The following TIAM1 variants were observed in gnomAD, a reference collection of about 807,000 sequenced individuals.
TIAM1 encodes the protein rho guanine nucleotide exchange factor TIAM1.
Under a neutral mutation model 163.5 loss-of-function variants are expected in TIAM1, and 65 were observed. The ratio of observed to expected loss-of-function variants is 0.40; its 90% CI spans 0.33 to 0.49. The LOEUF is 0.49. Among genes scored for constraint, TIAM1 ranks in the 20% least tolerant of loss-of-function variants. TIAM1 has a pLI of 0.77. For missense variants in TIAM1, 1,789 were observed against 2,044.7 expected, an observed-to-expected ratio of 0.87 and a Z score of 2.41; for synonymous variants, 833 against 810.1, an observed-to-expected ratio of 1.03 and a Z score of -0.48.
At chr21:31,308,856 A>G (rs1265228813) in intron 2 of TIAM1, among the ~76,000 whole-genome samples, 3 of 152,192 alleles carry the variant, frequency 2.0e-5, no homozygotes, top group East Asian at 1.9e-4. Flanking sequence ...TTGATTCTCA[A>G]TTTAACAAGT....
At chr21:31,152,493 GAC>G in intron 19 of TIAM1, 141 bp downstream of exon 19, 6 of 1,151,430 alleles carry the variant, frequency 5.2e-6, no homozygotes, top group Non-Finnish European at 6.1e-6. Flanking sequence ...AGACCAGCAA[GAC>G]ACACTCCATT....
chr21:31,263,608 T>C (rs979898422), intron 4 of TIAM1, among the ~76,000 whole-genome samples: 2 of 151,870 alleles, frequency 1.3e-5, no homozygotes, highest in African/African-American at 2.4e-5. Flanking sequence ...AAGGCTCAAA[T>C]CCCCATCAGC....
At chr21:31,487,419 G>A (rs2046307675) in intron 1 of TIAM1, among the ~76,000 whole-genome samples, 1 of 152,184 alleles carries the variant, frequency 6.6e-6, no homozygotes, top group Non-Finnish European at 1.5e-5. Flanking sequence ...CGCCCAGGCT[G>A]AAGTGCAGTG....
chr21:31,558,170 G>C (rs1336717283), intron 1 of TIAM1, among the ~76,000 whole-genome samples: 4 of 95,368 alleles, frequency 4.2e-5, no homozygotes, highest in Non-Finnish European at 8.8e-5. Context: ...GCCGGGTGGC[G>C]AGGGGCGCGG....
intron 8 of TIAM1, among the ~76,000 whole-genome samples, 186 bp downstream of exon 8, chr21:31,223,220 A>G (rs1368449713): frequency 8.2e-6 from 1 of 122,250 alleles, no homozygotes; most frequent in South Asian, 2.2e-4. Context: ...ATCAAGAGAT[A>G]GATGCTTAAG....
chr21:31,119,208 C>T lies in TIAM1; in HGVS notation c.*1160G>A, dbSNP rs1468501388. The T allele has an allele frequency of 1.3e-5, 2 of 152,168 alleles. No homozygotes were observed. Among genetic ancestry groups the T allele is most frequent in the African/African-American group, 2.4e-5 (1 of 41,230 alleles). The allele number at this position is 152,168 out of a possible 1,614,324, so 9.4% of individuals were successfully genotyped here. A position where few individuals can be genotyped will look rare whatever the true frequency, so the allele number is the denominator to read the frequency against. On this transcript the variant is annotated 3_prime_UTR_variant, in exon 28 of 28. Transcript: ENST00000541036. Reference sequence around the variant, plus strand: ...TGTTTTGAGCATGTTTACCCTGTTTCGTTGGCATGAAGAAAGTGTTAAACA... The same window carrying T: ...TGTTTTGAGCATGTTTACCCTGTTTTGTTGGCATGAAGAAAGTGTTAAACA...
At chr21:31,254,781 G>A (rs2072001074) in intron 4 of TIAM1, among the ~76,000 whole-genome samples, 2 of 152,116 alleles carry the variant, frequency 1.3e-5, no homozygotes, top group Admixed American at 1.3e-4. Flanking sequence ...GATTTTTTCA[G>A]CAAAAGCTGA....
At chr21:31,292,140 C>G (rs1040586295) in intron 2 of TIAM1, among the ~76,000 whole-genome samples, 2 of 152,208 alleles carry the variant, frequency 1.3e-5, no homozygotes, top group African/African-American at 2.4e-5. Context: ...TCTCCATCTG[C>G]AAAACAGGAT....
chr21:31,484,683 G>A (rs909486763), intron 1 of TIAM1, among the ~76,000 whole-genome samples: 3 of 152,204 alleles, frequency 2.0e-5, no homozygotes, highest in African/African-American at 7.2e-5. Flanking sequence ...CCTCCAGGAA[G>A]GGAGGCCTGA....
rs115876248 is a variant in TIAM1, at chr21:31,121,016, C to T, written c.4307-179G>A. 5.4e-3 allele frequency among the ~76,000 whole-genome samples: 829 copies of T among 152,210 alleles called. 7 individuals are homozygous for T. Among genetic ancestry groups the T allele is most frequent in the African/African-American group, 0.019 (793 of 41,516 alleles). ...ATCTGTCATGGAGCATTTACCTTGTCGAGGTATCTGGACTTAGAGGATGTT... is the reference window on the plus strand; with the variant it reads ...ATCTGTCATGGAGCATTTACCTTGTTGAGGTATCTGGACTTAGAGGATGTT... On this transcript the variant is annotated intron_variant, in intron 27 of 27. Coordinates refer to ENST00000541036, the MANE Select transcript of TIAM1 (RefSeq NM_001353694.2).
intron 20 of TIAM1, among the ~76,000 whole-genome samples, chr21:31,144,323 C>T (rs542917936): frequency 3.9e-5 from 6 of 152,340 alleles, no homozygotes; most frequent in African/African-American, 1.4e-4. Context: ...AACTCTTCCC[C>T]AACAAAATAT....
chr21:31,432,091 CTTTTTTTT>C (rs11291911), intron 2 of TIAM1, among the ~76,000 whole-genome samples: 53 of 93,656 alleles, frequency 5.7e-4, no homozygotes, highest in African/African-American at 1.1e-3. Context: ...TCTAAGATTC[CTTTTTTTT>C]TTTTTTTTTT....
At chr21:31,329,687 T>C (rs1411690867) in intron 2 of TIAM1, among the ~76,000 whole-genome samples, 2 of 152,214 alleles carry the variant, frequency 1.3e-5, no homozygotes. Context: ...GAAAATCCCA[T>C]TCTTAGAGTA....
chr21:31,429,321 T>C (rs947583788), intron 2 of TIAM1, among the ~76,000 whole-genome samples: 3 of 152,136 alleles, frequency 2.0e-5, no homozygotes, highest in Non-Finnish European at 4.4e-5. Flanking sequence ...AACCTACCTT[T>C]GTGGAAAGTA....
At chr21:31,361,445 G>A (rs2076404646) in intron 2 of TIAM1, among the ~76,000 whole-genome samples, 1 of 152,118 alleles carries the variant, frequency 6.6e-6, no homozygotes, top group Non-Finnish European at 1.5e-5. Flanking sequence ...AGGCTTTCTT[G>A]GGGGCTGCCA....
chr21:31,150,878 C>T (rs562048045), intron 19 of TIAM1, among the ~76,000 whole-genome samples: 1 of 152,172 alleles, frequency 6.6e-6, no homozygotes, highest in East Asian at 1.9e-4. Context: ...ACTCTCAAAA[C>T]TCAATATTAG....
chr21:31,240,422 A>G (rs2146696833), intron 6 of TIAM1, among the ~76,000 whole-genome samples: 1 of 152,288 alleles, frequency 6.6e-6, no homozygotes, highest in African/African-American at 2.4e-5. Context: ...AAATTGCTCT[A>G]TTTCCATCTT....
intron 1 of TIAM1, among the ~76,000 whole-genome samples, chr21:31,477,692 T>C (rs2045979489): frequency 6.6e-6 from 1 of 152,092 alleles, no homozygotes; most frequent in Admixed American, 6.5e-5. Flanking sequence ...GCCAGGCTAG[T>C]CTCAAACTCT....
chr21:31,163,286 G>C (rs1325160892), intron 16 of TIAM1, among the ~76,000 whole-genome samples: 1 of 152,140 alleles, frequency 6.6e-6, no homozygotes, highest in African/African-American at 2.4e-5. Flanking sequence ...CATCAGTATA[G>C]AAATATCTGT....
Sources: gnomAD v4.1 joint callset for allele counts (sites outside exome capture counted in the v4.1 genomes callset) on GRCh38, gnomAD v4.1.1 for gene constraint, MANE v1.5 for transcripts, NCBI Gene and HGNC (gene_info 2026-07-23, HGNC 2026-07-21) for gene names.